The following DPYSL5 variants were observed in gnomAD, a reference collection of about 807,000 sequenced individuals.
The protein encoded by DPYSL5 is dihydropyrimidinase like 5.
Under a neutral mutation model 58.4 loss-of-function variants are expected in DPYSL5, and 9 were observed. The ratio of observed to expected loss-of-function variants is 0.15; its 90% CI spans 0.09 to 0.27. The LOEUF (loss-of-function observed/expected upper bound fraction) is 0.27. DPYSL5 is among the 10% of genes least tolerant of loss of function. The pLI is 1.00. For missense variants in DPYSL5, 499 were observed against 770.6 expected (o/e 0.65, Z 4.17); for synonymous variants, 293 against 301.9 (o/e 0.97, Z 0.31).
rs925897814 is a variant in DPYSL5 at position 26,887,559 on chromosome 2, A to C, written c.-4-10937A>C. Among the ~76,000 whole-genome samples, 10 of 152,314 alleles carry C rather than the reference A, an allele frequency of 6.6e-5. No homozygotes were observed. The South Asian group carries it at 8.3e-4, about 13-fold the overall frequency. On this transcript the variant is annotated intron_variant, in intron 1 of 12. Coordinates refer to ENST00000288699, the MANE Select transcript of DPYSL5 (RefSeq NM_020134.4). Reference sequence around the variant, plus strand: ...CCTTATAGGAGTGTATGGTGTGTGCATTTCATGATCAAGAAGCAGCAGCTG... The same window carrying C: ...CCTTATAGGAGTGTATGGTGTGTGCCTTTCATGATCAAGAAGCAGCAGCTG...
chr2:26,918,874 G>A (rs1250350598), intron 2 of DPYSL5, among the ~76,000 whole-genome samples: 3 of 152,152 alleles, frequency 2.0e-5, no homozygotes, highest in Non-Finnish European at 2.9e-5. Flanking sequence ...TGAATTGGCT[G>A]TAGCCCAAGT....
At position 26,882,401 on chromosome 2, in the gene DPYSL5, A is replaced by T. The variant is rs554313164; in HGVS notation, c.-4-16095A>T. Among the ~76,000 whole-genome samples the T allele has an allele frequency of 1.3e-4, 19 of 149,924 alleles. No homozygotes were observed. The East Asian group carries it at 3.6e-3, about 28-fold the overall frequency. ...GCTGGGACTACAGGCGCACACCACC[A>T]TGCCCAGCTTATTGTGTGTGTGTGT... On this transcript the variant is annotated intron_variant, in intron 1 of 12. Transcript: ENST00000288699.
At chr2:26,932,530 G>A (rs1289494752) in intron 6 of DPYSL5, among the ~76,000 whole-genome samples, 2 of 152,202 alleles carry the variant, frequency 1.3e-5, no homozygotes, top group South Asian at 2.1e-4. Context: ...AGCTCTGGCC[G>A]CTGGACAAGG....
At chr2:26,872,209 G>A (rs1663280023) in intron 1 of DPYSL5, among the ~76,000 whole-genome samples, 1 of 152,222 alleles carries the variant, frequency 6.6e-6, no homozygotes, top group Admixed American at 6.5e-5. Context: ...TGGCTCAGAT[G>A]ATGGCTGGAG....
In DPYSL5 at chr2:26,925,700, C is replaced by T. The variant is rs913984780; in HGVS notation, c.420+655C>T. Among the ~76,000 whole-genome samples the T allele has an allele frequency of 6.6e-6, 1 of 152,178 alleles. No homozygotes were observed. The highest frequency in any genetic ancestry group is 1.5e-5 in the Non-Finnish European group (1 of 68,040). ...CCTGCCCAGGCCCCAGGGTCAGAGT[C>T]CAGACTCCTCTCCCCGGATTCCCAC... On this transcript the variant is annotated intron_variant, in intron 3 of 12. Coordinates refer to ENST00000288699, the MANE Select transcript of DPYSL5 (RefSeq NM_020134.4). The surrounding 1 kb of genome is among the most constrained non-coding windows in gnomAD (Gnocchi z 4.5).
Position 26,944,571 on chromosome 2 carries a change from ACCGGCC to A in DPYSL5, c.1441-82_1441-77del. Reference sequence around the variant, plus strand: ...GCAGAGTGGCAGTGTCTAATGTCCCACCGGCCCCCAGGGAGGCCATGGTTGTATCAC... The same window carrying A: ...GCAGAGTGGCAGTGTCTAATGTCCCACCCAGGGAGGCCATGGTTGTATCAC... On this transcript the variant is annotated intron_variant, in intron 11 of 12. Coordinates refer to ENST00000288699, the MANE Select transcript of DPYSL5 (RefSeq NM_020134.4). This position sits in a 1 kb window ranked among gnomAD's most constrained non-coding sequence, Gnocchi z 4.4. 1 of 1,449,336 alleles carries A rather than the reference ACCGGCC, an allele frequency of 6.9e-7. No individual in the cohort carries two copies. Among genetic ancestry groups the A allele is most frequent in the Non-Finnish European group, 9.4e-7 (1 of 1,059,222 alleles). The allele number at this position is 1,449,336 out of a possible 1,614,324, so 89.8% of individuals were successfully genotyped here.
Position 26,942,207 on chromosome 2 carries a change from C to T in DPYSL5, c.1232+115C>T. 6.8e-7 allele frequency: 1 copy of T among 1,474,608 alleles called. No individual in the cohort carries two copies. Among genetic ancestry groups the T allele is most frequent in the Non-Finnish European group, 9.2e-7 (1 of 1,092,630 alleles). The allele number at this position is 1,474,608 out of a possible 1,614,324, so 91.3% of individuals were successfully genotyped here. On this transcript the variant is annotated intron_variant, in intron 10 of 12. Transcript: ENST00000288699. The surrounding 1 kb of genome is among the most constrained non-coding windows in gnomAD (Gnocchi z 5.9). ...CACTATTTCTAGCACAAAATATGGC[C>T]CTGGCCTACCGTTGGCCATCTTCTC...
At chr2:26,881,819 C>T (rs190372611) in intron 1 of DPYSL5, among the ~76,000 whole-genome samples, 1 of 152,192 alleles carries the variant, frequency 6.6e-6, no homozygotes, top group East Asian at 1.9e-4. Context: ...AAGCCAGGCA[C>T]GGTGGCTCAC....
At chr2:26,918,460 C>T (rs1390914281) in intron 2 of DPYSL5, among the ~76,000 whole-genome samples, 1 of 139,942 alleles carries the variant, frequency 7.1e-6, no homozygotes, top group Non-Finnish European at 1.6e-5. Context: ...AGAGAAACTA[C>T]CGAGCTGGTT....
chr2:26,879,858 T>C (rs1266169044), intron 1 of DPYSL5, among the ~76,000 whole-genome samples: 2 of 152,222 alleles, frequency 1.3e-5, no homozygotes, highest in Non-Finnish European at 2.9e-5. Flanking sequence ...CACACCTGCT[T>C]TCTGCTCTGC....
At chr2:26,862,142 T>C (rs1666031966) in intron 1 of DPYSL5, among the ~76,000 whole-genome samples, 1 of 152,222 alleles carries the variant, frequency 6.6e-6, no homozygotes, top group South Asian at 2.1e-4. Context: ...TGTGAGGCTC[T>C]AAGCAGAGGA....
chr2:26,870,140 T>C (rs756738783), intron 1 of DPYSL5, among the ~76,000 whole-genome samples: 1 of 152,238 alleles, frequency 6.6e-6, no homozygotes, highest in Non-Finnish European at 1.5e-5. Context: ...GAGGCATCCA[T>C]GTTCTGTTCC....
chr2:26,909,773 CA>C (rs35016575), intron 2 of DPYSL5, among the ~76,000 whole-genome samples: 58,165 of 147,194 alleles, frequency 0.4, 11,554 homozygotes, highest in Admixed American at 0.55. Flanking sequence ...TGTCTAAAAA[CA>C]AAAAAAAAAT....
chr2:26,931,152 A>AAAAAAAATATATAT (rs1209140758), intron 5 of DPYSL5, among the ~76,000 whole-genome samples: 1 of 48,802 alleles, frequency 2.0e-5, no homozygotes, highest in African/African-American at 6.6e-5. Context: ...AAAAAAAAAA[A>AAAAAAAATATATAT]ATATATATAT....
chr2:26,935,171 T>G (rs747401386), intron 8 of DPYSL5, among the ~76,000 whole-genome samples: 1 of 152,042 alleles, frequency 6.6e-6, no homozygotes, highest in Non-Finnish European at 1.5e-5. Flanking sequence ...CTCCTTTCCT[T>G]CCCCTTTCCC....
chr2:26,907,867 G>A (rs191857271), intron 2 of DPYSL5, among the ~76,000 whole-genome samples: 62 of 152,272 alleles, frequency 4.1e-4, no homozygotes, highest in African/African-American at 1.4e-3. Flanking sequence ...CAGAGACCAC[G>A]ATTTAACTTG....
At position 26,949,064 on chromosome 2, in the gene DPYSL5, G is replaced by A. The variant is rs1230773475; in HGVS notation, c.*2069G>A. ...TGTCTGTGATGACCCTCCCAACCTTGGCTATCTACCCCACCTGTGGAGAGG... is the reference window on the plus strand; with the variant it reads ...TGTCTGTGATGACCCTCCCAACCTTAGCTATCTACCCCACCTGTGGAGAGG... On this transcript the variant is annotated 3_prime_UTR_variant, in exon 13 of 13. Coordinates refer to ENST00000288699, the MANE Select transcript of DPYSL5 (RefSeq NM_020134.4). 6.6e-6 allele frequency: 1 copy of A among 152,120 alleles called. No individual in the cohort carries two copies. The highest frequency in any genetic ancestry group is 1.5e-5 in the Non-Finnish European group (1 of 68,032). The allele number at this position is 152,120 out of a possible 1,614,324, so 9.4% of individuals were successfully genotyped here.
intron 2 of DPYSL5, among the ~76,000 whole-genome samples, chr2:26,923,785 C>T (rs888468670): frequency 6.6e-6 from 1 of 152,132 alleles, no homozygotes; most frequent in Admixed American, 6.5e-5. Flanking sequence ...CTCAGCCTCC[C>T]AAGTAGTTGT....
intron 1 of DPYSL5, among the ~76,000 whole-genome samples, chr2:26,885,140 A>G (rs546576561): frequency 2.7e-3 from 404 of 152,270 alleles, no homozygotes; most frequent in African/African-American, 9.3e-3. Context: ...TGGAGGTTGC[A>G]GTGAGCTCGG....
Sources: allele counts gnomAD v4.1 joint callset (sites outside exome capture counted in the v4.1 genomes callset), GRCh38; gene constraint gnomAD v4.1.1; non-coding constraint Gnocchi (gnomAD v3.1); transcripts MANE v1.5; gene names NCBI Gene and HGNC (gene_info 2026-07-23, HGNC 2026-07-21).